The following PRKCQ variants were observed in gnomAD, a reference collection of about 807,000 sequenced individuals.
The protein encoded by PRKCQ is protein kinase C theta type.
PRKCQ carries 41 observed loss-of-function variants against 91.2 expected under a neutral mutation model. The ratio of observed to expected loss-of-function variants is 0.45; its 90% confidence interval spans 0.35 to 0.58. The LOEUF is 0.58. Among genes scored for constraint, PRKCQ ranks in the 20% least tolerant of loss-of-function variants. The pLI is 0.00. For synonymous variants in PRKCQ, 307 were observed against 316.9 expected (o/e 0.97, Z 0.33); for missense variants, 673 against 896.5 (o/e 0.75, Z 3.18).
At chr10:6,425,372 G>A (rs921116696), downstream of PRKCQ, among the ~76,000 whole-genome samples, 48 of 151,998 alleles carry the variant, frequency 3.2e-4, no homozygotes, top group Non-Finnish European at 2.8e-4. Flanking sequence ...TTACAGACGC[G>A]TGCCACCATG....
intron 12 of PRKCQ, among the ~76,000 whole-genome samples, chr10:6,473,713 A>G (rs1304349732): frequency 6.6e-6 from 1 of 152,198 alleles, no homozygotes; most frequent in Non-Finnish European, 1.5e-5. Flanking sequence ...TGAAAGGTTC[A>G]TGGATTGCAG....
chr10:6,498,306 C>A, intron 5 of PRKCQ, 90 bp downstream of exon 5: 2 of 1,491,238 alleles, frequency 1.3e-6, no homozygotes, highest in Non-Finnish European at 1.8e-6. Context: ...CAGCACACCC[C>A]CCACAGTGGA....
intron 1 of PRKCQ, among the ~76,000 whole-genome samples, chr10:6,570,130 G>A (rs1285568700): frequency 6.6e-6 from 1 of 152,192 alleles, no homozygotes; most frequent in Non-Finnish European, 1.5e-5. Flanking sequence ...TGTGCTCACG[G>A]CACATCTGGT....
chr10:6,522,768 C>T lies in PRKCQ; in HGVS notation c.-9-7624G>A, dbSNP rs1839063746. ...ACAATAGTCATCACTTGTATCAAAA[C>T]CTCTCACATGTGGAAGAAAGAACAC... is the stretch of plus-strand genomic sequence containing the variant. On this transcript the variant is annotated intron_variant, in intron 1 of 17. Transcript: ENST00000263125. 2.0e-5 allele frequency among the ~76,000 whole-genome samples: 3 copies of T among 152,148 alleles called. No individual in the cohort carries two copies. The South Asian group carries it at 6.2e-4, about 32-fold the overall frequency.
rs147040074 is a variant in PRKCQ, at chr10:6,430,871, C to T, written c.1904G>A (p.Arg635Gln). 76 of 1,614,018 alleles carry T rather than the reference C, an allele frequency of 4.7e-5. No individual in the cohort carries two copies. In the African/African-American group the frequency reaches 7.6e-4, roughly 16 times the overall value. The change falls in exon 17 of 18, where the codon CGG (arginine) becomes CAG (glutamine). Residue 635 changes from arginine to glutamine, a missense_variant. By Grantham distance (43) the Arg-to-Gln change is conservative. Coordinates refer to ENST00000263125, the MANE Select transcript of PRKCQ (RefSeq NM_006257.5). The surrounding 1 kb of genome is among the most constrained non-coding windows in gnomAD (Gnocchi z 4.7). ...TTCAAGTTCCTCCCAGTTGATCTCC[C>T]GAAACAAAGGGTGCTGGCGGATGTC... ...RGDIRQHPLF[R>Q]EINWEELERK...
intron 1 of PRKCQ, among the ~76,000 whole-genome samples, chr10:6,570,316 G>A (rs559009213): frequency 1.9e-4 from 29 of 152,296 alleles, no homozygotes; most frequent in African/African-American, 6.3e-4. Flanking sequence ...GTTTGATTGT[G>A]AAGAGAAGCA....
intron 15 of PRKCQ, among the ~76,000 whole-genome samples, chr10:6,443,492 T>A (rs1159876727): frequency 1.3e-5 from 2 of 151,988 alleles, no homozygotes; most frequent in Admixed American, 6.6e-5. Context: ...AAGGAGAAAA[T>A]CTCTACTTGC....
At chr10:6,459,997 CACAG>C (rs1234492574) in intron 14 of PRKCQ, among the ~76,000 whole-genome samples, 1 of 152,208 alleles carries the variant, frequency 6.6e-6, no homozygotes, top group Non-Finnish European at 1.5e-5. Context: ...TCAAATTACA[CACAG>C]ACAGTTGAAT....
intron 1 of PRKCQ, among the ~76,000 whole-genome samples, chr10:6,534,466 A>T (rs536063479): frequency 6.6e-6 from 1 of 152,226 alleles, no homozygotes; most frequent in Admixed American, 6.5e-5. Flanking sequence ...ATAAAATATG[A>T]ATTATGAAGC....
At chr10:6,416,046 CT>C in the PRKCQ span, among the ~76,000 whole-genome samples, 1 of 152,124 alleles carries the variant, frequency 6.6e-6, no homozygotes, top group East Asian at 1.9e-4. Context: ...CATGCCTGGC[CT>C]GTTTTCCTCT....
intron 1 of PRKCQ, among the ~76,000 whole-genome samples, chr10:6,518,086 C>A (rs761489761): frequency 1.3e-5 from 2 of 152,160 alleles, no homozygotes; most frequent in Non-Finnish European, 2.9e-5. Flanking sequence ...TGGGGAAAGA[C>A]AGAACTGTTC....
chr10:6,519,485 G>A (rs1838910088), intron 1 of PRKCQ, among the ~76,000 whole-genome samples: 2 of 152,124 alleles, frequency 1.3e-5, no homozygotes, highest in Non-Finnish European at 2.9e-5. Context: ...ACCCTTGTTA[G>A]TCTCCCTAAT....
chr10:6,429,968 C>A (rs1833328816), intron 17 of PRKCQ, among the ~76,000 whole-genome samples: 1 of 150,476 alleles, frequency 6.6e-6, no homozygotes, highest in African/African-American at 2.4e-5. Flanking sequence ...AATCCTCCCA[C>A]CTCAGCCTCC....
chr10:6,466,542 A>G (rs1008247606), intron 12 of PRKCQ, among the ~76,000 whole-genome samples: 11 of 152,224 alleles, frequency 7.2e-5, no homozygotes, highest in African/African-American at 2.4e-4. Context: ...TAAATCTGTC[A>G]AATATCTGTT....
rs1005171394 is a variant in PRKCQ, at chr10:6,541,744, T to G, written c.-9-26600A>C. Among the ~76,000 whole-genome samples, 3 of 152,220 alleles carry G rather than the reference T, an allele frequency of 2.0e-5. No homozygotes were observed. The East Asian group carries it at 5.8e-4, about 29-fold the overall frequency. ...TCCTCCTGCTATAATTCAAGCCCAT[T>G]TCTCTTTGAGTGAACATTTAAAATT... On this transcript the variant is annotated intron_variant, in intron 1 of 17. Coordinates refer to ENST00000263125, the MANE Select transcript of PRKCQ (RefSeq NM_006257.5).
chr10:6,456,995 C>T (rs902332999), intron 14 of PRKCQ, among the ~76,000 whole-genome samples, 183 bp from the exon 15 acceptor site: 1 of 152,206 alleles, frequency 6.6e-6, no homozygotes, highest in Non-Finnish European at 1.5e-5. Context: ...CAAGGGCACG[C>T]TGGCTGCTAT....
At chr10:6,482,501 C>T (rs2130775951) in intron 11 of PRKCQ, among the ~76,000 whole-genome samples, 1 of 152,226 alleles carries the variant, frequency 6.6e-6, no homozygotes, top group East Asian at 1.9e-4. Flanking sequence ...AGAGGGCGAC[C>T]ATTGCAAAGC....
chr10:6,448,471 C>T (rs577102549), intron 15 of PRKCQ, among the ~76,000 whole-genome samples: 13 of 151,982 alleles, frequency 8.6e-5, no homozygotes, highest in South Asian at 4.2e-4. Context: ...TGCAGTGGCA[C>T]GATCTCGGCT....
chr10:6,537,255 T>C (rs1286281931), intron 1 of PRKCQ, among the ~76,000 whole-genome samples: 23 of 152,240 alleles, frequency 1.5e-4, no homozygotes, highest in Non-Finnish European at 1.5e-5. Flanking sequence ...CAATAAGCCA[T>C]TTTGTTAATC....
Sources: allele counts gnomAD v4.1 joint callset (sites outside exome capture counted in the v4.1 genomes callset), GRCh38; gene constraint gnomAD v4.1.1; non-coding constraint Gnocchi (gnomAD v3.1); transcripts MANE v1.5; gene names NCBI Gene and HGNC (gene_info 2026-07-23, HGNC 2026-07-21).